Variants in C19orf25 observed in about 807,000 individuals in gnomAD.
The protein encoded by C19orf25 is UPF0449 protein C19orf25.
Under a neutral mutation model 3.1 loss-of-function variants are expected in C19orf25, and 1 was observed. The ratio of observed to expected loss-of-function variants is 0.32; its 90% CI spans 0.12 to 1.54. The LOEUF (loss-of-function observed/expected upper bound fraction) is 1.54. C19orf25 is among the 40% of genes most tolerant of loss of function. The pLI, the probability that C19orf25 is intolerant of heterozygous loss-of-function variation, is 0.38. For missense variants in C19orf25, 196 were observed against 160.4 expected (o/e 1.22, Z -1.20); for synonymous variants, 91 against 74.3 (o/e 1.23, Z -1.16).
chr19:1,479,104 C>G (rs1167154793), intron 1 of C19orf25, 59 bp downstream of exon 1: 3 of 1,335,018 alleles, frequency 2.2e-6, no homozygotes, highest in African/African-American at 1.6e-5. Flanking sequence ...GCTTCAGGGT[C>G]TGGCTCAACC....
At chr19:1,477,278 A>C (rs1036180399) in intron 2 of C19orf25, among the ~76,000 whole-genome samples, 21 of 152,214 alleles carry the variant, frequency 1.4e-4, no homozygotes, top group Non-Finnish European at 7.4e-5. Flanking sequence ...CTGGGATTAC[A>C]GGTGTGAGCC....
At position 1,474,787 on chromosome 19, in the gene C19orf25, AT is replaced by A; in HGVS notation, c.*244del. 1 of 1,435,986 alleles carries A rather than the reference AT, an allele frequency of 7.0e-7. No homozygotes were observed. The highest frequency in any genetic ancestry group is 9.1e-7 in the Non-Finnish European group (1 of 1,096,500). The allele number at this position is 1,435,986 out of a possible 1,614,324, so 89.0% of individuals were successfully genotyped here. A position where few individuals can be genotyped will look rare whatever the true frequency, so the allele number is the denominator to read the frequency against. ...ATCACAGTACAGCAATAATGTCCCT[AT>A]CCTCTTCCAGAACCCCAGTGGGGCC... On this transcript the variant is annotated 3_prime_UTR_variant, in exon 3 of 3. Coordinates refer to ENST00000585675, the MANE Select transcript of C19orf25 (RefSeq NM_152482.3).
chr19:1,475,884 T>C (rs2145287348), intron 2 of C19orf25: 1 of 269,402 alleles, frequency 3.7e-6, no homozygotes, highest in Middle Eastern at 9.9e-4. Context: ...GGGGCTTCCA[T>C]TCCTGCAAAA....
Position 1,479,153 on chromosome 19 carries a change from C to T in C19orf25, c.-3+10G>A, listed in dbSNP as rs952412364. 1.6e-6 allele frequency: 2 copies of T among 1,285,266 alleles called. No individual in the cohort carries two copies. The highest frequency in any genetic ancestry group is 3.1e-5 in the African/African-American group (2 of 64,444). 79.6% of individuals were successfully genotyped at this position (1,285,266 alleles called of 1,614,324 possible). A position where few individuals can be genotyped will look rare whatever the true frequency, so the allele number is the denominator to read the frequency against. On this transcript the variant is annotated intron_variant, in intron 1 of 2. Coordinates refer to ENST00000585675, the MANE Select transcript of C19orf25 (RefSeq NM_152482.3). ...CCCCGCGGTCACCCCAGTCGCCGGC[C>T]TCTTCCCACCTGGGCGCGGGACCCG...
At chr19:1,477,300 C>A (rs1416682408) in intron 2 of C19orf25, among the ~76,000 whole-genome samples, 2 of 152,214 alleles carry the variant, frequency 1.3e-5, no homozygotes, top group Non-Finnish European at 2.9e-5. Context: ...CCGCACCTGG[C>A]CGATTCATCT....
rs1318956386 is a variant in C19orf25, at chr19:1,475,274, G to A, written c.131-16C>T. On this transcript the variant is annotated splice_polypyrimidine_tract_variant and intron_variant, in intron 2 of 2. Transcript: ENST00000585675. ...ACTGGGGGGTCTGAGACAGGACACA[G>A]CAGCATCACTGCCTGCTGACCACCC... The A allele has an allele frequency of 6.5e-7, 1 of 1,532,278 alleles. No homozygotes were observed. 94.9% of individuals were successfully genotyped at this position (1,532,278 alleles called of 1,614,324 possible). A position where few individuals can be genotyped will look rare whatever the true frequency, so the allele number is the denominator to read the frequency against.
chr19:1,474,969 C>T lies in C19orf25; in HGVS notation c.*63G>A, dbSNP rs2084188337. ...GAATGCCAGTCTGGGGCCGACGGAC[C>T]CCCAGGGAAAGCCTGGGTGCAGGCC... On this transcript the variant is annotated 3_prime_UTR_variant, in exon 3 of 3. Transcript: ENST00000585675. The T allele has an allele frequency of 1.3e-6, 2 of 1,533,506 alleles. No individual in the cohort carries two copies. The highest frequency in any genetic ancestry group is 1.8e-6 in the Non-Finnish European group (2 of 1,142,746). The allele number at this position is 1,533,506 out of a possible 1,614,324, so 95.0% of individuals were successfully genotyped here.
chr19:1,476,208 G>A (rs1030476583), intron 2 of C19orf25: 3 of 398,726 alleles, frequency 7.5e-6, no homozygotes, highest in African/African-American at 4.1e-5. Flanking sequence ...CTCGGCTCTG[G>A]CCTGCCCCTC....
Position 1,478,802 on chromosome 19 carries a change from A to C in C19orf25, c.102T>G (p.Asp34Glu). ...LEDVRGAPAEDPVFTILAPED... is the reference protein window; with the variant it reads ...LEDVRGAPAEEPVFTILAPED... ...CCGGGGCCAGGATGGTGAACACTGG[A>C]TCCTCTGCCGGCGCACCCCGCACAT... Residue 34 changes from aspartate (D) to glutamate (E), a missense_variant, in exon 2 of 3, where the codon GAT becomes GAG. Physicochemically the swap from Asp to Glu is conservative, Grantham distance 45. Coordinates refer to ENST00000585675, the MANE Select transcript of C19orf25 (RefSeq NM_152482.3). 1 of 1,582,828 alleles carries C rather than the reference A, an allele frequency of 6.3e-7. No individual in the cohort carries two copies.
At chr19:1,478,489 G>T (rs2084229173) in intron 2 of C19orf25, 1 of 863,254 alleles carries the variant, frequency 1.2e-6, no homozygotes, top group Non-Finnish European at 1.6e-6. Flanking sequence ...GGCCAGGCTG[G>T]TCTCGAACTC....
At chr19:1,478,575 C>T (rs920720790) in intron 2 of C19orf25, 199 bp downstream of exon 2, 1 of 1,388,386 alleles carries the variant, frequency 7.2e-7, no homozygotes. Context: ...CGCCCGGCCT[C>T]CACCCCTGTC....
rs899864456 is a variant in C19orf25 at position 1,473,756 on chromosome 19, T to C, written c.*1276A>G. 6.6e-6 allele frequency: 1 copy of C among 152,450 alleles called. No individual in the cohort carries two copies. The highest frequency in any genetic ancestry group is 2.4e-5 in the African/African-American group (1 of 41,454). The allele number at this position is 152,450 out of a possible 1,614,324, so 9.4% of individuals were successfully genotyped here. A position where few individuals can be genotyped will look rare whatever the true frequency, so the allele number is the denominator to read the frequency against. On this transcript the variant is annotated 3_prime_UTR_variant, in exon 3 of 3. Coordinates refer to ENST00000585675, the MANE Select transcript of C19orf25 (RefSeq NM_152482.3). ...GCTATGACTGCAAGCAGCACAGAAG[T>C]GCAGGGTGGGAAGGGATGGCAGGAG...
chr19:1,473,210 C>G lies in C19orf25; in HGVS notation c.*1822G>C, dbSNP rs192689657. The G allele has an allele frequency of 6.6e-6, 1 of 152,430 alleles. No homozygotes were observed. Among genetic ancestry groups the G allele is most frequent in the South Asian group, 2.1e-4 (1 of 4,832 alleles). 9.4% of individuals were successfully genotyped at this position (152,430 alleles called of 1,614,324 possible). On this transcript the variant is annotated 3_prime_UTR_variant, in exon 3 of 3. Coordinates refer to ENST00000585675, the MANE Select transcript of C19orf25 (RefSeq NM_152482.3). Reference sequence around the variant, plus strand: ...GGACGACACCGTCAGCTGTCCGACTCGCACACATTTAATAAACTGAGCTCT... The same window carrying G: ...GGACGACACCGTCAGCTGTCCGACTGGCACACATTTAATAAACTGAGCTCT...
Position 1,474,877 on chromosome 19 carries a change from G to T in C19orf25, c.*155C>A, listed in dbSNP as rs764134541. ...ACCAACTCGGCATGAATGAGACGAC[G>T]GATGAACCGCAGCCCCAGCATCAGG... On this transcript the variant is annotated 3_prime_UTR_variant, in exon 3 of 3. Transcript: ENST00000585675. 4.9e-5 allele frequency: 74 copies of T among 1,498,886 alleles called. No individual in the cohort carries two copies. Among genetic ancestry groups the T allele is most frequent in the Non-Finnish European group, 6.3e-5 (71 of 1,124,392 alleles). 92.8% of individuals were successfully genotyped at this position (1,498,886 alleles called of 1,614,324 possible).
chr19:1,476,218 C>T (rs534098592), intron 2 of C19orf25: 12 of 398,742 alleles, frequency 3.0e-5, no homozygotes, highest in Non-Finnish European at 5.3e-5. Flanking sequence ...GCCTGCCCCT[C>T]GGCAGTGTGG....
At chr19:1,478,412 GTTTTGT>G (rs138052264) in intron 2 of C19orf25, 110,875 of 449,608 alleles carry the variant, frequency 0.25, 15,481 homozygotes, top group East Asian at 0.35. Context: ...AGCTAACTCT[GTTTTGT>G]TTTTGTTTTT....
chr19:1,478,997 G>C, intron 1 of C19orf25, 92 bp from the exon 2 acceptor site: 2 of 1,427,158 alleles, frequency 1.4e-6, no homozygotes, highest in Non-Finnish European at 1.8e-6. Flanking sequence ...GTACGCACCC[G>C]TCGCGGTCCC....
Position 1,474,618 on chromosome 19 carries a change from T to C in C19orf25, c.*414A>G. On this transcript the variant is annotated 3_prime_UTR_variant, in exon 3 of 3. Coordinates refer to ENST00000585675, the MANE Select transcript of C19orf25 (RefSeq NM_152482.3). ...GCTCTGACATTGGGTGGGCACTCGC[T>C]GGATGGAATCACAGTTAACACCTCG... is the stretch of plus-strand genomic sequence containing the variant. 1 of 503,452 alleles carries C rather than the reference T, an allele frequency of 2.0e-6. No homozygotes were observed. The highest frequency in any genetic ancestry group is 3.4e-6 in the Non-Finnish European group (1 of 297,492). 31.2% of individuals were successfully genotyped at this position (503,452 alleles called of 1,614,324 possible).
intron 2 of C19orf25, chr19:1,476,164 A>T (rs529974442): frequency 4.0e-5 from 16 of 398,582 alleles, no homozygotes; most frequent in Non-Finnish European, 6.6e-5. Context: ...AGCAGCACCG[A>T]CTTCAGGGTC....
Sources: allele counts gnomAD v4.1 joint callset (sites outside exome capture counted in the v4.1 genomes callset), GRCh38; gene constraint gnomAD v4.1.1; transcripts MANE v1.5; gene names NCBI Gene and HGNC (gene_info 2026-07-23, HGNC 2026-07-21).